CTNNA3: variants seen among roughly 807,000 people sequenced by gnomAD.
The protein encoded by CTNNA3 is catenin alpha-3.
In CTNNA3, 76 loss-of-function variants were observed where a neutral mutation model predicts 95.7. The observed-to-expected ratio is 0.79, with a 90% CI of 0.66 to 0.96. The LOEUF (loss-of-function observed/expected upper bound fraction) is 0.96, where lower values mean the gene tolerates loss of function less well. Ranked by LOEUF, CTNNA3 falls within the 40% of genes least tolerant of loss-of-function variation. CTNNA3 has a pLI of 0.00. For missense variants in CTNNA3, 1,191 were observed against 1,089.8 expected, an observed-to-expected ratio of 1.09 and a Z score of -1.31; for synonymous variants, 431 against 374.4, an observed-to-expected ratio of 1.15 and a Z score of -1.74.
At chr10:66,353,023 T>C (rs2092578931) in intron 12 of CTNNA3, among the ~76,000 whole-genome samples, 1 of 152,070 alleles carries the variant, frequency 6.6e-6, no homozygotes, top group Non-Finnish European at 1.5e-5. Flanking sequence ...CATTATGTAA[T>C]CTTTCATGTA....
At chr10:66,306,777 G>A (rs1255306883) in intron 12 of CTNNA3, among the ~76,000 whole-genome samples, 1 of 152,254 alleles carries the variant, frequency 6.6e-6, no homozygotes, top group Non-Finnish European at 1.5e-5. Flanking sequence ...AAGAAAAAAA[G>A]AATTAAAGAC....
At position 66,545,119 on chromosome 10, in the gene CTNNA3, T is replaced by C. The variant is rs536445463; in HGVS notation, c.1375-24346A>G. On this transcript the variant is annotated intron_variant, in intron 10 of 17. Coordinates refer to ENST00000433211, the MANE Select transcript of CTNNA3 (RefSeq NM_013266.4). ...TTTTATCTTCTTTTAAGCTTTCATA[T>C]GGTTAAATAAAACAAAAATTAAAAG... Among the ~76,000 whole-genome samples, 24 of 152,194 alleles carry C rather than the reference T, an allele frequency of 1.6e-4. No individual in the cohort carries two copies. In the Middle Eastern group the frequency reaches 0.01, roughly 65 times the overall value.
intron 9 of CTNNA3, among the ~76,000 whole-genome samples, chr10:66,720,958 A>T (rs1848610141): frequency 6.6e-6 from 1 of 152,234 alleles, no homozygotes; most frequent in African/African-American, 2.4e-5. Flanking sequence ...CCAGTCCAAC[A>T]GCTCACTGGG....
At chr10:67,198,530 G>GA (rs1169943882) in intron 6 of CTNNA3, among the ~76,000 whole-genome samples, 2 of 152,086 alleles carry the variant, frequency 1.3e-5, no homozygotes, top group Non-Finnish European at 2.9e-5. Context: ...GATACTCTGA[G>GA]AAAAAAGAAT....
At chr10:66,870,141 T>A (rs1451779694) in intron 7 of CTNNA3, among the ~76,000 whole-genome samples, 5 of 151,018 alleles carry the variant, frequency 3.3e-5, no homozygotes, top group Non-Finnish European at 5.9e-5. Context: ...CAGCTGAGAA[T>A]TTTTTTTTAA....
At chr10:67,587,323 G>T (rs534641388) in intron 3 of CTNNA3, among the ~76,000 whole-genome samples, 1 of 151,888 alleles carries the variant, frequency 6.6e-6, no homozygotes, top group African/African-American at 2.4e-5. Context: ...GCTTCCCAAA[G>T]TGCTGGGATC....
intron 13 of CTNNA3, among the ~76,000 whole-genome samples, chr10:66,137,140 C>G (rs973826543): frequency 3.9e-5 from 6 of 152,026 alleles, no homozygotes; most frequent in Non-Finnish European, 5.9e-5. Flanking sequence ...TTAATAATGA[C>G]CATGTTTAAC....
chr10:66,936,564 A>G (rs180776417), intron 7 of CTNNA3, among the ~76,000 whole-genome samples: 12 of 152,152 alleles, frequency 7.9e-5, no homozygotes, highest in Admixed American at 7.2e-4. Context: ...GTTTTTCTAG[A>G]ATTCCCAATC....
intron 9 of CTNNA3, among the ~76,000 whole-genome samples, chr10:66,758,904 C>CT: frequency 6.6e-6 from 1 of 152,238 alleles, no homozygotes; most frequent in East Asian, 1.9e-4. Context: ...CACTGCACTC[C>CT]AGCCTGGGTG....
chr10:65,974,148 T>C (rs1268665902), intron 16 of CTNNA3, among the ~76,000 whole-genome samples: 1 of 152,212 alleles, frequency 6.6e-6, no homozygotes, highest in Non-Finnish European at 1.5e-5. Flanking sequence ...GGTGGGGATG[T>C]AAATTAGTTC....
chr10:66,658,091 C>T (rs1846129656), intron 9 of CTNNA3, among the ~76,000 whole-genome samples: 1 of 152,102 alleles, frequency 6.6e-6, no homozygotes, highest in African/African-American at 2.4e-5. Context: ...AGAAACATTG[C>T]TACTTTATTG....
At chr10:66,440,026 A>T (rs1181032357) in intron 11 of CTNNA3, among the ~76,000 whole-genome samples, 1 of 152,162 alleles carries the variant, frequency 6.6e-6, no homozygotes, top group Non-Finnish European at 1.5e-5. Flanking sequence ...AAGCTTCTTA[A>T]TGTCTCAGAA....
At chr10:66,624,642 G>A (rs1272969313) in intron 9 of CTNNA3, among the ~76,000 whole-genome samples, 2 of 152,072 alleles carry the variant, frequency 1.3e-5, no homozygotes, top group East Asian at 3.9e-4. Flanking sequence ...ATTAAAACGA[G>A]AGAAATGAAA....
At chr10:67,180,147 G>A (rs1157538840) in intron 7 of CTNNA3, among the ~76,000 whole-genome samples, 170 bp downstream of exon 7, 1 of 152,040 alleles carries the variant, frequency 6.6e-6, no homozygotes, top group Non-Finnish European at 1.5e-5. Context: ...AATTCCCAGG[G>A]TTGTTGTTCC....
chr10:66,533,349 C>T (rs1002558536), intron 10 of CTNNA3, among the ~76,000 whole-genome samples: 3 of 152,082 alleles, frequency 2.0e-5, no homozygotes, highest in African/African-American at 7.2e-5. Context: ...AGGTCAGTTT[C>T]CTAGATTGTC....
chr10:66,463,827 G>A (rs928898215), intron 11 of CTNNA3, among the ~76,000 whole-genome samples: 3 of 151,792 alleles, frequency 2.0e-5, no homozygotes, highest in Non-Finnish European at 4.4e-5. Context: ...AACAGAGAAC[G>A]ATGCTCTGGC....
At chr10:67,692,074 G>A (rs1254705109) in intron 1 of CTNNA3, among the ~76,000 whole-genome samples, 3 of 145,858 alleles carry the variant, frequency 2.1e-5, no homozygotes, top group African/African-American at 5.2e-5. Context: ...AGGTGGGGGG[G>A]TCAGCCCCCC....
chr10:66,520,944 TA>T (rs1841045245), intron 10 of CTNNA3, among the ~76,000 whole-genome samples, 171 bp from the exon 11 acceptor site: 1 of 151,004 alleles, frequency 6.6e-6, no homozygotes, highest in South Asian at 2.1e-4. Context: ...AACAATAAAA[TA>T]AAATTAATTA....
intron 10 of CTNNA3, among the ~76,000 whole-genome samples, chr10:66,540,773 A>G (rs1156255303): frequency 6.6e-6 from 1 of 152,060 alleles, no homozygotes; most frequent in African/African-American, 2.4e-5. Context: ...GGGCTGACAA[A>G]AGAACCGCTG....
Sources: allele counts gnomAD v4.1 joint callset (sites outside exome capture counted in the v4.1 genomes callset), GRCh38; gene constraint gnomAD v4.1.1; transcripts MANE v1.5; gene names NCBI Gene and HGNC (gene_info 2026-07-23, HGNC 2026-07-21).